The following CCDC180 variants were observed in gnomAD, a reference collection of about 807,000 sequenced individuals.
CCDC180 encodes the protein coiled-coil domain containing 180, also known as coiled-coil domain-containing protein 180.
In CCDC180, 154 loss-of-function variants were observed where a neutral mutation model predicts 209.2. That is an observed-to-expected ratio of 0.74 (90% CI 0.65 to 0.84). The LOEUF (loss-of-function observed/expected upper bound fraction) is 0.84, where lower values mean the gene tolerates loss of function less well. CCDC180 is among the 40% of genes least tolerant of loss of function. CCDC180 has a pLI of 0.00. For missense variants in CCDC180, 1,874 were observed against 1,997.3 expected, an observed-to-expected ratio of 0.94 and a Z score of 1.18; for synonymous variants, 778 against 749.1, an observed-to-expected ratio of 1.04 and a Z score of -0.63.
chr9:97,375,580 T>C lies in CCDC180; in HGVS notation c.4833T>C (p.Ala1611=), dbSNP rs754331443. Reference sequence around the variant, plus strand: ...TGGCGGCCGTGGAAGCCCGAGATGCTGTGTACCTGGTGAGACAGGGTGGAG... The same window carrying C: ...TGGCGGCCGTGGAAGCCCGAGATGCCGTGTACCTGGTGAGACAGGGTGGAG... ...GHLAAVEARD[A]VYLKYLASFE... The change falls in exon 36 of 37, where the codon GCT becomes GCC. Residue 1611 remains alanine, a synonymous_variant. Transcript: ENST00000529487. 3 of 1,614,186 alleles carry C rather than the reference T, an allele frequency of 1.9e-6. No individual in the cohort carries two copies. Among genetic ancestry groups the C allele is most frequent in the Non-Finnish European group, 1.7e-6 (2 of 1,180,022 alleles).
chr9:97,368,781 G>C (rs573495423), intron 31 of CCDC180, among the ~76,000 whole-genome samples: 4 of 152,094 alleles, frequency 2.6e-5, no homozygotes, highest in African/African-American at 9.7e-5. Flanking sequence ...TTCAGTTCAG[G>C]CCTCAAAGGA....
rs1473255517 is a variant in CCDC180 at position 97,330,031 on chromosome 9, G to A, written c.1789-123G>A. ...TGCAGCGAACCAAGACCGCGCCACTGCACTCCAGCCTTGGCAACAGAGCCA... is the reference window on the plus strand; with the variant it reads ...TGCAGCGAACCAAGACCGCGCCACTACACTCCAGCCTTGGCAACAGAGCCA... On this transcript the variant is annotated intron_variant, in intron 16 of 36. Coordinates refer to ENST00000529487, the MANE Select transcript of CCDC180 (RefSeq NM_020893.6). 6 of 793,910 alleles carry A rather than the reference G, an allele frequency of 7.6e-6. No individual in the cohort carries two copies. In the East Asian group the frequency reaches 1.5e-4, roughly 20 times the overall value. The allele number at this position is 793,910 out of a possible 1,614,324, so 49.2% of individuals were successfully genotyped here.
chr9:97,361,496 A>T (rs1225003312), intron 26 of CCDC180, among the ~76,000 whole-genome samples: 1 of 152,208 alleles, frequency 6.6e-6, no homozygotes, highest in Admixed American at 6.5e-5. Flanking sequence ...ACTTGTGAAG[A>T]GCAGGCACCC....
At chr9:97,350,611 T>C in intron 22 of CCDC180, 56 bp downstream of exon 22, 1 of 1,495,502 alleles carries the variant, frequency 6.7e-7, no homozygotes, top group South Asian at 1.3e-5. Context: ...TATTGGGATG[T>C]GGTCTTGTTT....
chr9:97,376,521 C>T (rs1564181295), intron 36 of CCDC180: 1 of 423,392 alleles, frequency 2.4e-6, no homozygotes, highest in Non-Finnish European at 4.4e-6. Context: ...GTCCTAGTCC[C>T]TGCTCAGCCT....
At chr9:97,374,881 C>T (rs1471194688) in intron 35 of CCDC180, among the ~76,000 whole-genome samples, 1 of 152,194 alleles carries the variant, frequency 6.6e-6, no homozygotes, top group African/African-American at 2.4e-5. Flanking sequence ...AACAGCTCAA[C>T]AGCTATTAGT....
chr9:97,362,094 C>G, intron 27 of CCDC180, 102 bp from the exon 28 acceptor site: 1 of 1,485,316 alleles, frequency 6.7e-7, no homozygotes, highest in South Asian at 1.3e-5. Flanking sequence ...ACAGGACTGA[C>G]TGACGTGGCG....
chr9:97,366,706 T>A lies in CCDC180; in HGVS notation c.4189+6T>A, dbSNP rs1446953717. 2 of 1,613,186 alleles carry A rather than the reference T, an allele frequency of 1.2e-6. No individual in the cohort carries two copies. The highest frequency in any genetic ancestry group is 1.3e-5 in the African/African-American group (1 of 74,824). ...CCACAACTCCTGCCTCATAGGTGAGTATAGGCAGCAGGAAGGCACGGGGAA... is the reference window on the plus strand; with the variant it reads ...CCACAACTCCTGCCTCATAGGTGAGAATAGGCAGCAGGAAGGCACGGGGAA... On this transcript the variant is annotated splice_donor_region_variant and intron_variant, in intron 31 of 36. Coordinates refer to ENST00000529487, the MANE Select transcript of CCDC180 (RefSeq NM_020893.6). The surrounding 1 kb of genome is among the most constrained non-coding windows in gnomAD (Gnocchi z 4.3).
intron 25 of CCDC180, 87 bp from the exon 26 acceptor site, chr9:97,359,895 A>C (rs1826700483): frequency 1.3e-6 from 2 of 1,542,596 alleles, no homozygotes; most frequent in Non-Finnish European, 8.8e-7. Flanking sequence ...TCATCAGCCC[A>C]GCCCCTGTTC....
chr9:97,314,445 C>A lies in CCDC180; in HGVS notation c.512C>A (p.Thr171Asn). The A allele has an allele frequency of 6.2e-7, 1 of 1,614,122 alleles. No homozygotes were observed. The change falls in exon 6 of 37, where the codon ACT becomes AAT. Residue 171 changes from threonine (T) to asparagine (N), a missense_variant. Transcript: ENST00000529487. ...DTGGLFLKKLTESDEEMNRLF... is the reference protein window; with the variant it reads ...DTGGLFLKKLNESDEEMNRLF... ...GGGGGACTTTTTTTGAAGAAGCTGA[C>A]TGAGTCTGATGAAGAAATGAACCGT...
In CCDC180 at chr9:97,307,780, C is replaced by T; in HGVS notation, c.-108C>T. ...CATGCGCGGCGGGGAGAACCGGCCT[C>T]CTGCTCGAGTTCAGAGCTCATCTGA... On this transcript the variant is annotated 5_prime_UTR_variant, in exon 1 of 37. Transcript: ENST00000529487. 1 of 1,614,216 alleles carries T rather than the reference C, an allele frequency of 6.2e-7. No individual in the cohort carries two copies. The highest frequency in any genetic ancestry group is 8.5e-7 in the Non-Finnish European group (1 of 1,180,026).
At chr9:97,312,925 A>G (rs1833037768) in intron 4 of CCDC180, among the ~76,000 whole-genome samples, 1 of 70,884 alleles carries the variant, frequency 1.4e-5, no homozygotes, top group Non-Finnish European at 2.8e-5. Flanking sequence ...AACAATACCT[A>G]CTATGCAGGA....
rs377007527 is a variant in CCDC180, at chr9:97,314,652, G to T, written c.623G>T (p.Arg208Leu). 6 of 1,613,954 alleles carry T rather than the reference G, an allele frequency of 3.7e-6. No individual in the cohort carries two copies. Among genetic ancestry groups the T allele is most frequent in the Non-Finnish European group, 4.2e-6 (5 of 1,180,022 alleles). Residue 208 changes from arginine (R) to leucine (L), a missense_variant, in exon 7 of 37, where the codon CGG becomes CTG. Arg to Leu is a moderately radical substitution (Grantham distance 102). Transcript: ENST00000529487. ...GAGCTGTGGGATAAGGTGGCCGGGC[G>T]GTTACTGCTCCGGAAGCAGGAGATT... ...LLELWDKVAGRLLLRKQEIKE... is the reference protein window; with the variant it reads ...LLELWDKVAGLLLLRKQEIKE...
intron 21 of CCDC180, among the ~76,000 whole-genome samples, chr9:97,349,866 C>T (rs994219269): frequency 1.3e-5 from 2 of 152,110 alleles, no homozygotes; most frequent in Non-Finnish European, 2.9e-5. Context: ...GTAAAGAGGA[C>T]ACTCGCAGGG....
intron 16 of CCDC180, among the ~76,000 whole-genome samples, chr9:97,328,719 C>T (rs373542356): frequency 4.6e-5 from 7 of 152,172 alleles, no homozygotes; most frequent in African/African-American, 1.4e-4. Context: ...GAAAGGCTCC[C>T]ACTCATTCAG....
At chr9:97,316,411 TC>T (rs1257218941) in intron 8 of CCDC180, among the ~76,000 whole-genome samples, 2 of 152,214 alleles carry the variant, frequency 1.3e-5, no homozygotes, top group Non-Finnish European at 2.9e-5. Context: ...TTGGCAGGGT[TC>T]TCACCCACTG....
chr9:97,366,877 A>G lies in CCDC180; in HGVS notation c.4189+177A>G, dbSNP rs1275742962. Among the ~76,000 whole-genome samples, 5 of 152,254 alleles carry G rather than the reference A, an allele frequency of 3.3e-5. No homozygotes were observed. Among genetic ancestry groups the G allele is most frequent in the Non-Finnish European group, 7.3e-5 (5 of 68,028 alleles). ...ACAATAATCAGATTTTACTGGGGAA[A>G]TGCGACCATGCAAGAAAAAAGTTCA... is the stretch of plus-strand genomic sequence containing the variant. On this transcript the variant is annotated intron_variant, in intron 31 of 36. Transcript: ENST00000529487. The surrounding 1 kb of genome is among the most constrained non-coding windows in gnomAD (Gnocchi z 4.3).
rs1587772665 is a variant in CCDC180, at chr9:97,307,665, C to T, written c.-223C>T. 3.4e-6 allele frequency: 5 copies of T among 1,476,018 alleles called. No individual in the cohort carries two copies. The East Asian group carries it at 1.1e-4, about 34-fold the overall frequency. 91.4% of individuals were successfully genotyped at this position (1,476,018 alleles called of 1,614,324 possible). On this transcript the variant is annotated 5_prime_UTR_variant, in exon 1 of 37. Coordinates refer to ENST00000529487, the MANE Select transcript of CCDC180 (RefSeq NM_020893.6). ...CAGTCCCAACCGACACCTTGAGCGC[C>T]GTTAACTTTTCCCCGAAGAGCATGG...
intron 32 of CCDC180, 140 bp from the exon 33 acceptor site, chr9:97,370,501 A>T: frequency 1.1e-6 from 1 of 904,370 alleles, no homozygotes. Context: ...CCCCTCTGCC[A>T]CTCTTCTGCC....
Sources: allele counts gnomAD v4.1 joint callset (sites outside exome capture counted in the v4.1 genomes callset), GRCh38; gene constraint gnomAD v4.1.1; non-coding constraint Gnocchi (gnomAD v3.1); transcripts MANE v1.5; gene names NCBI Gene and HGNC (gene_info 2026-07-23, HGNC 2026-07-21).